PPP1R9A: variants seen among roughly 807,000 people sequenced by gnomAD.
The protein encoded by PPP1R9A is neurabin-1.
A neutral mutation model predicts 141.9 loss-of-function variants in PPP1R9A; 59 were observed. The ratio of observed to expected loss-of-function variants is 0.42; its 90% CI spans 0.34 to 0.52. The LOEUF (loss-of-function observed/expected upper bound fraction) is 0.52. Ranked by LOEUF, PPP1R9A falls within the 20% of genes least tolerant of loss-of-function variation. The pLI, the probability that PPP1R9A is intolerant of heterozygous loss-of-function variation, is 0.10. For missense variants in PPP1R9A, 1,444 were observed against 1,611.9 expected, an observed-to-expected ratio of 0.90 and a Z score of 1.78; for synonymous variants, 500 against 569.7, an observed-to-expected ratio of 0.88 and a Z score of 1.74.
At chr7:95,203,789 T>G in intron 7 of PPP1R9A, 59 bp downstream of exon 7, 3 of 1,254,630 alleles carry the variant, frequency 2.4e-6, no homozygotes, top group Non-Finnish European at 3.3e-6. Flanking sequence ...TATGTAAAAT[T>G]AAATATTCTT....
At chr7:95,082,745 A>T in intron 2 of PPP1R9A, among the ~76,000 whole-genome samples, 1 of 149,352 alleles carries the variant, frequency 6.7e-6, no homozygotes, top group South Asian at 2.1e-4. Context: ...AAAGAAAAAA[A>T]GTGTAGGGTG....
At chr7:95,267,374 T>G (rs1339928014) in intron 12 of PPP1R9A, among the ~76,000 whole-genome samples, 1 of 152,164 alleles carries the variant, frequency 6.6e-6, no homozygotes, top group Non-Finnish European at 1.5e-5. Context: ...CTTCAGCTAA[T>G]GACTGCCACT....
chr7:95,141,585 C>T (rs1194661718), intron 4 of PPP1R9A, among the ~76,000 whole-genome samples: 3 of 151,884 alleles, frequency 2.0e-5, no homozygotes, highest in East Asian at 3.9e-4. Context: ...ACATTTGGCT[C>T]TCCTGGCCAT....
chr7:95,111,444 G>T (rs879095482), intron 3 of PPP1R9A, 53 bp downstream of exon 3: 5 of 1,481,812 alleles, frequency 3.4e-6, no homozygotes, highest in Middle Eastern at 1.8e-4. Context: ...TAATAATACA[G>T]AATTATTTTT....
rs17716661 is a variant in PPP1R9A at position 95,271,281 on chromosome 7, A to G, written c.3124+1774A>G. On this transcript the variant is annotated intron_variant, in intron 14 of 19. Coordinates refer to ENST00000433360, the MANE Select transcript of PPP1R9A (RefSeq NM_001166160.2). ...CCACAAGAAGTTTGACCAGAGGAAT[A>G]AAAAGGAAAAGACACCACCAGGTAT... is the stretch of plus-strand genomic sequence containing the variant. Among the ~76,000 whole-genome samples, 140 of 152,316 alleles carry G rather than the reference A, an allele frequency of 9.2e-4. 1 individual carries two copies. The East Asian group carries it at 0.022, about 24-fold the overall frequency.
At position 95,252,141 on chromosome 7, in the gene PPP1R9A, C is replaced by T. The variant is rs1425800089; in HGVS notation, c.2665+11C>T. The T allele has an allele frequency of 1.9e-6, 3 of 1,549,176 alleles. No individual in the cohort carries two copies. The highest frequency in any genetic ancestry group is 2.6e-6 in the Non-Finnish European group (3 of 1,154,914). ...ATGGCCTAAGTCAAGGTTTGTTTAACCCAACCACAAAAATCATTTTTGATG... is the reference window on the plus strand; with the variant it reads ...ATGGCCTAAGTCAAGGTTTGTTTAATCCAACCACAAAAATCATTTTTGATG... On this transcript the variant is annotated intron_variant, in intron 12 of 19. Transcript: ENST00000433360.
chr7:95,289,969 T>A, intron 19 of PPP1R9A, 122 bp from the exon 20 acceptor site: 4 of 1,454,398 alleles, frequency 2.8e-6, no homozygotes, highest in Non-Finnish European at 3.6e-6. Flanking sequence ...TAACTAGTTC[T>A]TCCTCTGTTC....
At chr7:95,141,822 A>G (rs1826752072) in intron 4 of PPP1R9A, among the ~76,000 whole-genome samples, 1 of 152,140 alleles carries the variant, frequency 6.6e-6, no homozygotes, top group Admixed American at 6.6e-5. Context: ...CTTAAGAATA[A>G]TGCTGCAATG....
intron 19 of PPP1R9A, among the ~76,000 whole-genome samples, chr7:95,289,337 C>T (rs1805962015): frequency 6.6e-6 from 1 of 152,224 alleles, no homozygotes. Flanking sequence ...CAGCCCCCTG[C>T]TGGGCTGACG....
chr7:95,087,618 G>A (rs1453323972), intron 2 of PPP1R9A, among the ~76,000 whole-genome samples: 3 of 151,974 alleles, frequency 2.0e-5, no homozygotes, highest in Non-Finnish European at 4.4e-5. Flanking sequence ...ATCATGGGCC[G>A]GGTGCCGCTG....
At chr7:95,195,581 A>G (rs1466788878) in intron 5 of PPP1R9A, among the ~76,000 whole-genome samples, 1 of 151,932 alleles carries the variant, frequency 6.6e-6, no homozygotes, top group Non-Finnish European at 1.5e-5. Context: ...TCCAGCATGA[A>G]TATTTATAAC....
chr7:95,049,659 T>G (rs1810518181), intron 2 of PPP1R9A, among the ~76,000 whole-genome samples: 1 of 152,174 alleles, frequency 6.6e-6, no homozygotes, highest in African/African-American at 2.4e-5. Context: ...TTTTCTGGCC[T>G]TAAAAATCCA....
chr7:95,064,314 A>AGCTCATACCTGAATGAAGCTTATTT (rs1277606027), intron 2 of PPP1R9A, among the ~76,000 whole-genome samples: 1 of 152,224 alleles, frequency 6.6e-6, no homozygotes, highest in Non-Finnish European at 1.5e-5. Context: ...ATACTGCTAT[A>AGCTCATACCTGAATGAAGCTTATTT]GCTCATACCT....
chr7:94,927,554 T>C (rs1215444749), intron 2 of PPP1R9A, among the ~76,000 whole-genome samples: 1 of 152,214 alleles, frequency 6.6e-6, no homozygotes, highest in Non-Finnish European at 1.5e-5. Context: ...GTGGTTATGC[T>C]ACAGCTATTT....
chr7:95,101,185 C>T (rs1420777029), intron 2 of PPP1R9A, among the ~76,000 whole-genome samples: 1 of 152,134 alleles, frequency 6.6e-6, no homozygotes, highest in Non-Finnish European at 1.5e-5. Flanking sequence ...AATGTTTTCA[C>T]TTAAAATGAG....
chr7:95,083,069 C>T (rs1181091092), intron 2 of PPP1R9A, among the ~76,000 whole-genome samples: 4 of 151,882 alleles, frequency 2.6e-5, no homozygotes. Flanking sequence ...TTTCTTTTCT[C>T]ACCCATTGCA....
intron 5 of PPP1R9A, among the ~76,000 whole-genome samples, chr7:95,182,235 G>A (rs972073157): frequency 6.6e-6 from 1 of 151,976 alleles, no homozygotes; most frequent in African/African-American, 2.4e-5. Context: ...CCAACACTTG[G>A]GAGCCAAGGC....
intron 2 of PPP1R9A, among the ~76,000 whole-genome samples, chr7:94,977,595 T>C (rs566215348): frequency 3.3e-5 from 5 of 152,130 alleles, no homozygotes; most frequent in Non-Finnish European, 7.4e-5. Flanking sequence ...GATAATTAAA[T>C]TGAAGATTAA....
At chr7:95,256,803 A>G (rs1232559359) in intron 12 of PPP1R9A, among the ~76,000 whole-genome samples, 1 of 152,126 alleles carries the variant, frequency 6.6e-6, no homozygotes, top group Non-Finnish European at 1.5e-5. Context: ...TCAGACATCA[A>G]TCATTTCCAA....
Sources: allele counts gnomAD v4.1 joint callset (sites outside exome capture counted in the v4.1 genomes callset), GRCh38; gene constraint gnomAD v4.1.1; transcripts MANE v1.5; gene names NCBI Gene and HGNC (gene_info 2026-07-23, HGNC 2026-07-21).